Variants in BRWD1 observed in about 807,000 individuals in gnomAD.
BRWD1 encodes bromodomain and WD repeat domain containing 1.
A neutral mutation model predicts 251.2 loss-of-function variants in BRWD1; 82 were observed. The observed-to-expected ratio is 0.33, with a 90% CI of 0.27 to 0.39. The LOEUF (loss-of-function observed/expected upper bound fraction) is 0.39. Among genes scored for constraint, BRWD1 ranks in the 10% least tolerant of loss-of-function variants. BRWD1 has a pLI of 1.00. For missense variants in BRWD1, 2,233 were observed against 2,711.6 expected, an observed-to-expected ratio of 0.82 and a Z score of 3.92; for synonymous variants, 918 against 902.8, an observed-to-expected ratio of 1.02 and a Z score of -0.30.
intron 4 of BRWD1, among the ~76,000 whole-genome samples, chr21:39,300,316 G>A (rs1472306662): frequency 2.6e-5 from 4 of 152,192 alleles, no homozygotes; most frequent in Non-Finnish European, 5.9e-5. Context: ...TTCTGACATG[G>A]AAAGCCTAGA....
chr21:39,225,056 G>A, intron 28 of BRWD1, 30 bp downstream of exon 28: 1 of 1,416,014 alleles, frequency 7.1e-7, no homozygotes, highest in East Asian at 2.3e-5. Flanking sequence ...GAATTACTGG[G>A]AAATGATTAG....
At chr21:39,218,683 T>A in intron 29 of BRWD1, 23 bp from the exon 30 acceptor site, 6 of 1,544,380 alleles carry the variant, frequency 3.9e-6, no homozygotes, top group Non-Finnish European at 5.2e-6. Context: ...TAAAAAACAA[T>A]GAGAGGAAGA....
At chr21:39,218,698 AAC>A (rs1568880337) in intron 29 of BRWD1, 38 bp from the exon 30 acceptor site, 3 of 1,494,090 alleles carry the variant, frequency 2.0e-6, no homozygotes, top group East Asian at 2.4e-5. Flanking sequence ...GGAAGAAAAA[AAC>A]ACAAAAAATA....
chr21:39,313,459 C>T lies in BRWD1; in HGVS notation c.33G>A (p.Val11=). MAEPSSARRP[V]PLIESELYFL... is the part of the protein sequence containing the mutation. ...GCGTCTTACCCGACTCGATGAGAGGCACCGGGCGTCGGGCGGACGACGGCT... is the reference window on the plus strand; with the variant it reads ...GCGTCTTACCCGACTCGATGAGAGGTACCGGGCGTCGGGCGGACGACGGCT... The change falls in exon 1 of 41, where the codon GTG becomes GTA. Residue 11 remains valine (V), a synonymous_variant. Coordinates refer to ENST00000342449, the MANE Select transcript of BRWD1 (RefSeq NM_033656.4). 1.5e-6 allele frequency: 2 copies of T among 1,353,686 alleles called. No homozygotes were observed. The highest frequency in any genetic ancestry group is 1.9e-6 in the Non-Finnish European group (2 of 1,058,448). 83.9% of individuals were successfully genotyped at this position (1,353,686 alleles called of 1,614,324 possible).
Position 39,194,117 on chromosome 21 carries a change from A to C in BRWD1, c.*2142T>G. ...TCTAACTATTTTGGACTGAAAGAAA[A>C]AATGGTAATTGGATGGCCAGTCAAT... On this transcript the variant is annotated 3_prime_UTR_variant, in exon 41 of 41. Coordinates refer to ENST00000342449, the MANE Select transcript of BRWD1 (RefSeq NM_033656.4). 1.0e-6 allele frequency: 1 copy of C among 985,412 alleles called. No homozygotes were observed. Among genetic ancestry groups the C allele is most frequent in the Non-Finnish European group, 1.2e-6 (1 of 829,842 alleles). 61.0% of individuals were successfully genotyped at this position (985,412 alleles called of 1,614,324 possible).
chr21:39,235,232 G>A (rs941649539), intron 23 of BRWD1, among the ~76,000 whole-genome samples: 6 of 152,172 alleles, frequency 3.9e-5, no homozygotes, highest in Admixed American at 3.9e-4. Flanking sequence ...CTAGGCAACA[G>A]AGACTCCTCT....
At position 39,200,236 on chromosome 21, in the gene BRWD1, G is replaced by C. The variant is rs762781093; in HGVS notation, c.4736C>G (p.Ala1579Gly). Residue 1579 changes from alanine (A) to glycine (G), a missense_variant, in exon 39 of 41, where the codon GCT becomes GGT. By Grantham distance (60) the Ala-to-Gly change is moderately conservative. This residue lies in a region of BRWD1 where 928 missense variants were observed against 970.0 expected (regional missense o/e 0.96). Coordinates refer to ENST00000342449, the MANE Select transcript of BRWD1 (RefSeq NM_033656.4). ...SSNLRVTRTR[A>G]AQRKTGPVSL... ...TCTCTTACCAGTTTTTCTTTGAGCA[G>C]CTCTAGTTCTGGTTACCCTGAGATT... The C allele has an allele frequency of 8.1e-6, 13 of 1,612,208 alleles. No individual in the cohort carries two copies. Among genetic ancestry groups the C allele is most frequent in the Admixed American group, 3.4e-5 (2 of 59,482 alleles).
At position 39,303,862 on chromosome 21, in the gene BRWD1, C is replaced by T. The variant is rs1268825182; in HGVS notation, c.199-5280G>A. Among the ~76,000 whole-genome samples, 6 of 151,326 alleles carry T rather than the reference C, an allele frequency of 4.0e-5. No homozygotes were observed. The East Asian group carries it at 1.2e-3, about 29-fold the overall frequency. The stretch of plus-strand genomic sequence containing the variant: ...AAAGAAAAGAAATACAGAGTAGTTG[C>T]CAGGCGCAGTGGCTCACACCTGTAA... On this transcript the variant is annotated intron_variant, in intron 4 of 40. Transcript: ENST00000342449.
Position 39,188,692 on chromosome 21 carries a change from G to A in BRWD1, c.*7567C>T, listed in dbSNP as rs2031382973. On this transcript the variant is annotated 3_prime_UTR_variant, in exon 41 of 41. Transcript: ENST00000342449. The stretch of plus-strand genomic sequence containing the variant: ...GCAAGCACTTCAGATTTTTCCCTAA[G>A]TCTATGAAACTGATTTCACACTTCT... 1.0e-6 allele frequency: 1 copy of A among 985,382 alleles called. No individual in the cohort carries two copies. Among genetic ancestry groups the A allele is most frequent in the Admixed American group, 6.1e-5 (1 of 16,278 alleles). 61.0% of individuals were successfully genotyped at this position (985,382 alleles called of 1,614,324 possible).
intron 7 of BRWD1, among the ~76,000 whole-genome samples, chr21:39,295,182 T>G (rs992025395): frequency 3.5e-4 from 44 of 126,822 alleles, no homozygotes; most frequent in South Asian, 8.4e-4. Context: ...TATGTTTTTT[T>G]TTTTTTTTTT....
At chr21:39,302,050 G>A (rs1601497178) in intron 4 of BRWD1, among the ~76,000 whole-genome samples, 1 of 126,502 alleles carries the variant, frequency 7.9e-6, no homozygotes, top group South Asian at 2.6e-4. Context: ...TGGCCCCAAT[G>A]CTGGATCACT....
chr21:39,233,586 A>G (rs2033702029), intron 23 of BRWD1, among the ~76,000 whole-genome samples: 1 of 152,216 alleles, frequency 6.6e-6, no homozygotes, highest in East Asian at 1.9e-4. Context: ...GTCTACTACT[A>G]GTGTTGAAAT....
At position 39,186,888 on chromosome 21, in the gene BRWD1, C is replaced by T. The variant is rs923024769; in HGVS notation, c.*9371G>A. 14 of 1,403,584 alleles carry T rather than the reference C, an allele frequency of 1.0e-5. No individual in the cohort carries two copies. The highest frequency in any genetic ancestry group is 1.6e-5 in the South Asian group (1 of 62,786). The allele number at this position is 1,403,584 out of a possible 1,614,324, so 86.9% of individuals were successfully genotyped here. A position where few individuals can be genotyped will look rare whatever the true frequency, so the allele number is the denominator to read the frequency against. ...TGTACAAGAGCTGACTGGGAGGAAC[C>T]CACTGGATTATGGCTTTTAGAAAAT... is the stretch of plus-strand genomic sequence containing the variant. On this transcript the variant is annotated 3_prime_UTR_variant, in exon 41 of 41. Coordinates refer to ENST00000342449, the MANE Select transcript of BRWD1 (RefSeq NM_033656.4).
Position 39,207,451 on chromosome 21 carries a change from A to AAC in BRWD1, c.4198-1179_4198-1178dup, listed in dbSNP as rs58765400. ...CAAAAAAAAAAAAGAAAAAAAAGAAAACACACACACACACACACACACACA... is the reference window on the plus strand; with the variant it reads ...CAAAAAAAAAAAAGAAAAAAAAGAAAACACACACACACACACACACACACACA... On this transcript the variant is annotated intron_variant, in intron 36 of 40. Coordinates refer to ENST00000342449, the MANE Select transcript of BRWD1 (RefSeq NM_033656.4). 7.9e-3 allele frequency among the ~76,000 whole-genome samples: 1,032 copies of AAC among 131,310 alleles called. 9 individuals carry two copies. Among genetic ancestry groups the AAC allele is most frequent in the East Asian group, 0.032 (154 of 4,796 alleles). The allele number at this position is 131,310 out of a possible 152,430, so 86.1% of individuals were successfully genotyped here. A position where few individuals can be genotyped will look rare whatever the true frequency, so the allele number is the denominator to read the frequency against.
intron 34 of BRWD1, among the ~76,000 whole-genome samples, chr21:39,211,888 A>AT (rs999391514): frequency 6.6e-6 from 1 of 152,154 alleles, no homozygotes; most frequent in African/African-American, 2.4e-5. Context: ...TCTGGGCTAA[A>AT]ATGTCTTAAG....
At chr21:39,247,267 T>C (rs1380374621) in intron 21 of BRWD1, among the ~76,000 whole-genome samples, 1 of 152,190 alleles carries the variant, frequency 6.6e-6, no homozygotes, top group African/African-American at 2.4e-5. Flanking sequence ...GGCCCAACTC[T>C]GTCAATATAC....
At chr21:39,300,688 A>G (rs1364006615) in intron 4 of BRWD1, among the ~76,000 whole-genome samples, 2 of 152,194 alleles carry the variant, frequency 1.3e-5, no homozygotes, top group East Asian at 1.9e-4. Context: ...GCATACCTCA[A>G]AAAAATGATG....
At chr21:39,298,235 T>C (rs1219717617) in intron 5 of BRWD1, 197 bp downstream of exon 5, 4 of 1,228,066 alleles carry the variant, frequency 3.3e-6, no homozygotes, top group African/African-American at 1.6e-5. Flanking sequence ...TTTATCAACT[T>C]TTTAATGCAG....
At chr21:39,206,020 T>A (rs1034722059) in intron 37 of BRWD1, 88 bp downstream of exon 37, 1 of 1,309,628 alleles carries the variant, frequency 7.6e-7, no homozygotes, top group South Asian at 1.4e-5. Flanking sequence ...GCAGAGATCA[T>A]GCCACTGCAC....
Sources: gnomAD v4.1 joint callset for allele counts (sites outside exome capture counted in the v4.1 genomes callset) on GRCh38, gnomAD v4.1.1 for gene constraint, gnomAD v4.1.1 regional missense constraint, MANE v1.5 for transcripts, NCBI Gene and HGNC (gene_info 2026-07-23, HGNC 2026-07-21) for gene names.